Variants in SNRPD1 observed in about 807,000 individuals in gnomAD.
The protein encoded by SNRPD1 is small nuclear ribonucleoprotein Sm D1.
In SNRPD1, 1 loss-of-function variant was observed where a neutral mutation model predicts 14.4. The observed-to-expected ratio is 0.07, with a 90% CI of 0.02 to 0.33. SNRPD1 has a LOEUF of 0.33. SNRPD1 is among the 10% of genes least tolerant of loss of function. The probability of loss-of-function intolerance (pLI) is 1.00; values close to 1 mark genes in which losing one functional copy is unlikely to be tolerated. For synonymous variants in SNRPD1, 42 were observed against 50.3 expected (o/e 0.83, Z 0.70); for missense variants, 52 against 146.4 (o/e 0.36, Z 3.33).
At chr18:21,616,152 AT>A (rs1489826997) in intron 1 of SNRPD1, among the ~76,000 whole-genome samples, 6 of 146,874 alleles carry the variant, frequency 4.1e-5, no homozygotes, top group Middle Eastern at 3.8e-3. Flanking sequence ...CGCCCGGCTA[AT>A]TTTTTGTATT....
chr18:21,624,761 T>G (rs2039023969), intron 3 of SNRPD1, among the ~76,000 whole-genome samples: 1 of 151,842 alleles, frequency 6.6e-6, no homozygotes, highest in African/African-American at 2.4e-5. Context: ...TTAATCTCTC[T>G]CTCGGTCCTT....
intron 3 of SNRPD1, among the ~76,000 whole-genome samples, chr18:21,625,315 A>ATTTTTTTTTTTTTTTTTTTTTTTTTT (rs748864232): frequency 1.0e-5 from 1 of 98,264 alleles, no homozygotes; most frequent in Non-Finnish European, 1.7e-5. Context: ...TGTTGAAAAA[A>ATTTTTTTTTTTTTTTTTTTTTTTTTT]ATTTTTTTTT....
chr18:21,615,007 A>C (rs138550124), intron 1 of SNRPD1, among the ~76,000 whole-genome samples: 40 of 152,240 alleles, frequency 2.6e-4, no homozygotes, highest in African/African-American at 9.6e-4. Context: ...TGCAGTGTAT[A>C]TTTCCTGCTA....
At chr18:21,621,012 C>CAA (rs1022008474) in intron 1 of SNRPD1, among the ~76,000 whole-genome samples, 1 of 151,308 alleles carries the variant, frequency 6.6e-6, no homozygotes, top group Non-Finnish European at 1.5e-5. Flanking sequence ...AAAAAAAATA[C>CAA]AAAAAATTAG....
At chr18:21,627,723 A>G (rs1205074871) in intron 3 of SNRPD1, among the ~76,000 whole-genome samples, 1 of 152,126 alleles carries the variant, frequency 6.6e-6, no homozygotes, top group Non-Finnish European at 1.5e-5. Context: ...AGTACAAGGA[A>G]TTCCCATACA....
At chr18:21,621,392 T>A (rs1212783467) in intron 1 of SNRPD1, among the ~76,000 whole-genome samples, 8 of 152,024 alleles carry the variant, frequency 5.3e-5, no homozygotes, top group Non-Finnish European at 1.2e-4. Flanking sequence ...GTTCTTAGAA[T>A]GTTATTTTGT....
At chr18:21,615,049 C>T (rs889977660) in intron 1 of SNRPD1, among the ~76,000 whole-genome samples, 2 of 152,102 alleles carry the variant, frequency 1.3e-5, no homozygotes, top group African/African-American at 4.8e-5. Flanking sequence ...GTAACCTAAA[C>T]CCATATCAAC....
chr18:21,632,896 G>GC lies in SNRPD1; in HGVS notation c.*3759dup, dbSNP rs1245670420. On this transcript the variant is annotated 3_prime_UTR_variant, in exon 4 of 4. Coordinates refer to ENST00000300413, the MANE Select transcript of SNRPD1 (RefSeq NM_006938.4). Reference sequence around the variant, plus strand: ...GACAGAGTCTAGCTCTGTCACCCAGGCTGGAGTGCAGTGGTGCAATCTCGG... The same window carrying GC: ...GACAGAGTCTAGCTCTGTCACCCAGGCCTGGAGTGCAGTGGTGCAATCTCGG... The GC allele has an allele frequency of 6.7e-6, 1 of 149,958 alleles. No individual in the cohort carries two copies. The highest frequency in any genetic ancestry group is 1.5e-5 in the Non-Finnish European group (1 of 68,026). 9.3% of individuals were successfully genotyped at this position (149,958 alleles called of 1,614,324 possible).
rs1478978628 is a variant in SNRPD1, at chr18:21,630,893, G to C, written c.*1755G>C. ...TGTCATATATATTAGATATATAAAT[G>C]TATATATTGGTATAAATAAATACTA... On this transcript the variant is annotated 3_prime_UTR_variant, in exon 4 of 4. Coordinates refer to ENST00000300413, the MANE Select transcript of SNRPD1 (RefSeq NM_006938.4). The C allele has an allele frequency of 6.7e-6, 1 of 148,738 alleles. No homozygotes were observed. The highest frequency in any genetic ancestry group is 1.5e-5 in the Non-Finnish European group (1 of 67,490). 9.2% of individuals were successfully genotyped at this position (148,738 alleles called of 1,614,324 possible).
At chr18:21,624,619 A>G (rs1456636516) in intron 3 of SNRPD1, among the ~76,000 whole-genome samples, 1 of 151,312 alleles carries the variant, frequency 6.6e-6, no homozygotes. Context: ...TGAACCTGGG[A>G]GGTGGAGGTT....
At chr18:21,628,423 T>C (rs1468690295) in intron 3 of SNRPD1, among the ~76,000 whole-genome samples, 1 of 152,206 alleles carries the variant, frequency 6.6e-6, no homozygotes, top group Admixed American at 6.5e-5. Flanking sequence ...TATGTCAAGA[T>C]TTTCTAATAT....
chr18:21,629,181 T>A lies in SNRPD1; in HGVS notation c.*43T>A. 7.1e-7 allele frequency: 1 copy of A among 1,405,962 alleles called. No homozygotes were observed. The highest frequency in any genetic ancestry group is 1.0e-6 in the Non-Finnish European group (1 of 991,010). 87.1% of individuals were successfully genotyped at this position (1,405,962 alleles called of 1,614,324 possible). A position where few individuals can be genotyped will look rare whatever the true frequency, so the allele number is the denominator to read the frequency against. On this transcript the variant is annotated 3_prime_UTR_variant, in exon 4 of 4. Transcript: ENST00000300413. ...AAGTCATATGAGATTTGGGATATTT[T>A]TTGTACAGGTTGTGTTTGTTTATGT...
intron 3 of SNRPD1, among the ~76,000 whole-genome samples, chr18:21,628,541 T>G (rs781367307): frequency 2.6e-4 from 39 of 152,204 alleles, no homozygotes; most frequent in Middle Eastern, 3.2e-3. Context: ...CTATTTGGAT[T>G]AAAGCACTAG....
intron 1 of SNRPD1, among the ~76,000 whole-genome samples, chr18:21,613,854 CAA>C (rs56863125): frequency 1.9e-4 from 11 of 58,688 alleles, no homozygotes; most frequent in Admixed American, 2.7e-4. Context: ...GACTCCATCT[CAA>C]AAAAAAAAAA....
In SNRPD1 at chr18:21,622,620, G is replaced by C. The variant is rs549163426; in HGVS notation, c.15-105G>C. 2.2e-5 allele frequency: 14 copies of C among 639,972 alleles called. No individual in the cohort carries two copies. In the African/African-American group the frequency reaches 2.6e-4, roughly 12 times the overall value. The allele number at this position is 639,972 out of a possible 1,614,324, so 39.6% of individuals were successfully genotyped here. A position where few individuals can be genotyped will look rare whatever the true frequency, so the allele number is the denominator to read the frequency against. On this transcript the variant is annotated intron_variant, in intron 1 of 3. Coordinates refer to ENST00000300413, the MANE Select transcript of SNRPD1 (RefSeq NM_006938.4). ...CAGATTATTGATAGGAATTGATGCAGATAGCATCTAGCAAATTTTCAACAT... is the reference window on the plus strand; with the variant it reads ...CAGATTATTGATAGGAATTGATGCACATAGCATCTAGCAAATTTTCAACAT...
rs1054658339 is a variant in SNRPD1 at position 21,630,853 on chromosome 18, C to T, written c.*1715C>T. On this transcript the variant is annotated 3_prime_UTR_variant, in exon 4 of 4. Coordinates refer to ENST00000300413, the MANE Select transcript of SNRPD1 (RefSeq NM_006938.4). ...ATATACTAATAGATATATTAGTATA[C>T]ATGTAGAATGTACCTGTCATATATA... The T allele has an allele frequency of 1.0e-4, 15 of 147,208 alleles. No individual in the cohort carries two copies. Among genetic ancestry groups the T allele is most frequent in the Non-Finnish European group, 1.8e-4 (12 of 67,192 alleles). 9.1% of individuals were successfully genotyped at this position (147,208 alleles called of 1,614,324 possible).
At chr18:21,628,288 G>A (rs1337226018) in intron 3 of SNRPD1, among the ~76,000 whole-genome samples, 1 of 152,164 alleles carries the variant, frequency 6.6e-6, no homozygotes, top group Non-Finnish European at 1.5e-5. Flanking sequence ...GCTTAGATGG[G>A]AGGATCACTT....
chr18:21,612,361 G>C lies in SNRPD1; in HGVS notation c.-69G>C. 7.7e-7 allele frequency: 1 copy of C among 1,303,030 alleles called. No individual in the cohort carries two copies. Among genetic ancestry groups the C allele is most frequent in the Middle Eastern group, 2.0e-4 (1 of 5,052 alleles). 80.7% of individuals were successfully genotyped at this position (1,303,030 alleles called of 1,614,324 possible). A position where few individuals can be genotyped will look rare whatever the true frequency, so the allele number is the denominator to read the frequency against. On this transcript the variant is annotated 5_prime_UTR_variant, in exon 1 of 4. Coordinates refer to ENST00000300413, the MANE Select transcript of SNRPD1 (RefSeq NM_006938.4). ...GTAGGCGCTTCCGGCCATTCATACT[G>C]CAGTCGGTCAGTGTTCGGTTGAAGG... is the stretch of plus-strand genomic sequence containing the variant.
At position 21,629,377 on chromosome 18, in the gene SNRPD1, T is replaced by C; in HGVS notation, c.*239T>C. 2.4e-6 allele frequency: 1 copy of C among 424,556 alleles called. No individual in the cohort carries two copies. 26.3% of individuals were successfully genotyped at this position (424,556 alleles called of 1,614,324 possible). A position where few individuals can be genotyped will look rare whatever the true frequency, so the allele number is the denominator to read the frequency against. On this transcript the variant is annotated 3_prime_UTR_variant, in exon 4 of 4. Transcript: ENST00000300413. ...AGTTTTTGAACTAAAATTTTTCTTT[T>C]TCTTTTTATGATGAATAAGGTTAAA...
Sources: gnomAD v4.1 joint callset for allele counts (sites outside exome capture counted in the v4.1 genomes callset) on GRCh38, gnomAD v4.1.1 for gene constraint, MANE v1.5 for transcripts, NCBI Gene and HGNC (gene_info 2026-07-23, HGNC 2026-07-21) for gene names.